FYCO1: variants seen among roughly 807,000 people sequenced by gnomAD.
The protein encoded by FYCO1 is FYVE and coiled-coil domain autophagy adaptor 1.
FYCO1 carries 122 observed loss-of-function variants against 165.1 expected under a neutral mutation model. The observed-to-expected ratio is 0.74, with a 90% CI of 0.64 to 0.86. FYCO1 has a LOEUF of 0.86. FYCO1 is among the 40% of genes least tolerant of loss of function. The probability of loss-of-function intolerance (pLI) is 0.00; values close to 1 mark genes in which losing one functional copy is unlikely to be tolerated. For synonymous variants in FYCO1, 648 were observed against 742.5 expected (o/e 0.87, Z 2.07); for missense variants, 1,702 against 1,810.3 (o/e 0.94, Z 1.09).
chr3:45,977,458 T>C (rs1338564964), intron 4 of FYCO1, among the ~76,000 whole-genome samples: 1 of 148,116 alleles, frequency 6.8e-6, no homozygotes, highest in Non-Finnish European at 1.5e-5. Context: ...GGAACAATAG[T>C]TCCTTTGTAC....
intron 14 of FYCO1, chr3:45,944,948 G>GT (rs1395031054): frequency 6.6e-6 from 1 of 152,206 alleles, no homozygotes; most frequent in Non-Finnish European, 1.5e-5. Flanking sequence ...CAGAGAGCTT[G>GT]TGGGGGGCAG....
At chr3:45,979,272 C>T (rs1308588604) in intron 4 of FYCO1, among the ~76,000 whole-genome samples, 1 of 152,178 alleles carries the variant, frequency 6.6e-6, no homozygotes, top group African/African-American at 2.4e-5. Context: ...CTTGAGATCC[C>T]ACATCATTCT....
intron 3 of FYCO1, 75 bp from the exon 4 acceptor site, chr3:45,979,905 T>C: frequency 1.3e-6 from 2 of 1,566,448 alleles, no homozygotes; most frequent in Non-Finnish European, 1.8e-6. Flanking sequence ...TGATAAATAA[T>C]AACAATAGCT....
chr3:45,967,137 G>C lies in FYCO1; in HGVS notation c.2197C>G (p.Leu733Val). The part of the protein sequence containing the change: ...AEARHRELRA[L>V]ESQCQQQTQL... ...GTCTGCTGCTGGCACTGGCTCTCGA[G>C]AGCCCTAAGCTCTCTGTGCCGGGCT... Residue 733 changes from leucine to valine, a missense_variant, in exon 8 of 18, where the codon CTC becomes GTC. Leu to Val is a conservative substitution (Grantham distance 32). Coordinates refer to ENST00000296137, the MANE Select transcript of FYCO1 (RefSeq NM_024513.4). 1 of 1,613,870 alleles carries C rather than the reference G, an allele frequency of 6.2e-7. No homozygotes were observed. The highest frequency in any genetic ancestry group is 8.5e-7 in the Non-Finnish European group (1 of 1,179,908).
At position 45,966,339 on chromosome 3, in the gene FYCO1, C is replaced by G. The variant is rs531023876; in HGVS notation, c.2995G>C (p.Glu999Gln). 2 of 1,614,222 alleles carry G rather than the reference C, an allele frequency of 1.2e-6. No individual in the cohort carries two copies. The highest frequency in any genetic ancestry group is 2.2e-5 in the East Asian group (1 of 44,888). ...AQSLQEAAHQ[E>Q]LNTLKFQLSA... ...AGCTGGAACTTGAGGGTGTTGAGCT[C>G]CTGGTGTGCAGCCTCTTGGAGGCTC... Residue 999 changes from glutamate (E) to glutamine (Q), a missense_variant, in exon 8 of 18, where the codon GAG becomes CAG. Coordinates refer to ENST00000296137, the MANE Select transcript of FYCO1 (RefSeq NM_024513.4).
intron 16 of FYCO1, among the ~76,000 whole-genome samples, chr3:45,928,020 A>G (rs1028641842): frequency 6.6e-6 from 1 of 152,202 alleles, no homozygotes; most frequent in African/African-American, 2.4e-5. Flanking sequence ...GCTGTTTTTC[A>G]TTCATTCCAT....
At chr3:45,965,265 T>C (rs748760538) in intron 8 of FYCO1, 140 bp from the exon 9 acceptor site, 3 of 661,044 alleles carry the variant, frequency 4.5e-6, no homozygotes, top group Non-Finnish European at 5.4e-6. Flanking sequence ...AGCTTTGGGT[T>C]TATTAATAGT....
chr3:45,968,419 G>A lies in FYCO1; in HGVS notation c.915C>T (p.Thr305=), dbSNP rs35893910. 1.2e-4 allele frequency: 195 copies of A among 1,613,830 alleles called. No homozygotes were observed. The African/African-American group carries it at 1.9e-3, about 16-fold the overall frequency. Reference sequence around the variant, plus strand: ...CCTTCACAGTGTTCTGGGTGGCCTGGGTGACCTCCCACTGCTTCTGGAGCT... The same window carrying A: ...CCTTCACAGTGTTCTGGGTGGCCTGAGTGACCTCCCACTGCTTCTGGAGCT... ...VAELQKQWEV[T]QATQNTVKEL... Residue 305 remains threonine (T), a synonymous_variant, in exon 8 of 18, where the codon ACC becomes ACT. Coordinates refer to ENST00000296137, the MANE Select transcript of FYCO1 (RefSeq NM_024513.4).
intron 1 of FYCO1, among the ~76,000 whole-genome samples, chr3:45,990,457 C>T (rs1037492653): frequency 6.6e-6 from 1 of 152,212 alleles, no homozygotes; most frequent in Non-Finnish European, 1.5e-5. Context: ...AGGTACCACA[C>T]TGTACTCCGC....
At chr3:45,978,499 G>C (rs191469793) in intron 4 of FYCO1, among the ~76,000 whole-genome samples, 2 of 152,304 alleles carry the variant, frequency 1.3e-5, no homozygotes, top group East Asian at 3.9e-4. Flanking sequence ...ATTGATGTCA[G>C]CATATCTAAC....
At chr3:45,926,702 C>T (rs992375208) in intron 16 of FYCO1, among the ~76,000 whole-genome samples, 18 of 152,228 alleles carry the variant, frequency 1.2e-4, no homozygotes, top group Admixed American at 7.9e-4. Flanking sequence ...CGGTGGCTCA[C>T]GCCCGTAATC....
At chr3:45,944,194 GTC>G (rs1559447520) in intron 14 of FYCO1, among the ~76,000 whole-genome samples, 1 of 141,838 alleles carries the variant, frequency 7.1e-6, no homozygotes, top group African/African-American at 3.1e-5. Context: ...GTGCGTGTGT[GTC>G]TGTGTGTGTG....
At chr3:45,943,812 AC>A (rs1166576866) in intron 14 of FYCO1, among the ~76,000 whole-genome samples, 2 of 152,158 alleles carry the variant, frequency 1.3e-5, no homozygotes, top group African/African-American at 4.8e-5. Flanking sequence ...AGTCAGACCC[AC>A]CCAGGGAGAT....
At chr3:45,942,890 C>A (rs1055140061) in intron 14 of FYCO1, among the ~76,000 whole-genome samples, 1 of 152,148 alleles carries the variant, frequency 6.6e-6, no homozygotes, top group Non-Finnish European at 1.5e-5. Context: ...CTCTGGCAGA[C>A]CCATCATCAT....
At chr3:45,951,312 A>C (rs920351115) in intron 14 of FYCO1, among the ~76,000 whole-genome samples, 1 of 152,178 alleles carries the variant, frequency 6.6e-6, no homozygotes, top group African/African-American at 2.4e-5. Context: ...GTGCTGTTCC[A>C]GTCTCTTCGG....
chr3:45,929,904 C>T (rs1001476997), intron 16 of FYCO1, among the ~76,000 whole-genome samples: 1 of 152,166 alleles, frequency 6.6e-6, no homozygotes, highest in African/African-American at 2.4e-5. Context: ...GATGCCAGCG[C>T]CACAGCAGGA....
chr3:45,962,958 A>G lies in FYCO1; in HGVS notation c.3270-566T>C, dbSNP rs1386588445. Among the ~76,000 whole-genome samples the G allele has an allele frequency of 1.9e-4, 29 of 152,140 alleles. 1 individual carries two copies. Among genetic ancestry groups the G allele is most frequent in the Admixed American group, 1.8e-3 (28 of 15,282 alleles). ...TGGGTGCTGCAGGGTGTCTCAGTCT[A>G]TAGCAGAGGGAGCTGGCTGAATCTC... is the stretch of plus-strand genomic sequence containing the variant. On this transcript the variant is annotated intron_variant, in intron 10 of 17. Coordinates refer to ENST00000296137, the MANE Select transcript of FYCO1 (RefSeq NM_024513.4). This position sits in a 1 kb window ranked among gnomAD's most constrained non-coding sequence, Gnocchi z 4.4.
chr3:45,924,837 T>C (rs1575323917), intron 16 of FYCO1, among the ~76,000 whole-genome samples: 1 of 152,096 alleles, frequency 6.6e-6, no homozygotes, highest in Non-Finnish European at 1.5e-5. Flanking sequence ...GGTATCGAAC[T>C]CCTGACCTCA....
At position 45,975,298 on chromosome 3, in the gene FYCO1, C is replaced by T; in HGVS notation, c.336G>A (p.Leu112=). The change falls in exon 5 of 18, where the codon TTG becomes TTA. Residue 112 remains leucine, a synonymous_variant. Transcript: ENST00000296137. Reference sequence around the variant, plus strand: ...AGGTGTCTGCCAACCTCTGGTGCACCAAGGAGTAGCGAATAAATGCTCTTC... The same window carrying T: ...AGGTGTCTGCCAACCTCTGGTGCACTAAGGAGTAGCGAATAAATGCTCTTC... ...GKGRAFIRYS[L]VHQRLADTLQ... 1 of 1,614,140 alleles carries T rather than the reference C, an allele frequency of 6.2e-7. No individual in the cohort carries two copies. The highest frequency in any genetic ancestry group is 8.5e-7 in the Non-Finnish European group (1 of 1,180,000).
Sources: gnomAD v4.1 joint callset for allele counts (sites outside exome capture counted in the v4.1 genomes callset) on GRCh38, gnomAD v4.1.1 for gene constraint, Gnocchi (gnomAD v3.1) non-coding constraint, MANE v1.5 for transcripts, NCBI Gene and HGNC (gene_info 2026-07-23, HGNC 2026-07-21) for gene names.